The following PLEKHA8 variants were observed in gnomAD, a reference collection of about 807,000 sequenced individuals.
The protein encoded by PLEKHA8 is pleckstrin homology domain containing A8.
PLEKHA8 carries 36 observed loss-of-function variants against 68.2 expected under a neutral mutation model. The ratio of observed to expected loss-of-function variants is 0.53; its 90% confidence interval spans 0.40 to 0.70. PLEKHA8 has a LOEUF of 0.70. Ranked by LOEUF, PLEKHA8 falls within the 30% of genes least tolerant of loss-of-function variation. PLEKHA8 has a pLI of 0.00. For missense variants in PLEKHA8, 505 were observed against 615.4 expected (o/e 0.82, Z 1.90); for synonymous variants, 211 against 216.1 (o/e 0.98, Z 0.20).
Position 30,080,979 on chromosome 7 carries a change from C to A in PLEKHA8, c.*2192C>A. ...AACAGCTGCTGGTGCTCCCTGTCAC[C>A]TCAGGTGAACTCTGTGGTCTCTTGG... On this transcript the variant is annotated 3_prime_UTR_variant, in exon 14 of 14. Coordinates refer to ENST00000449726, the MANE Select transcript of PLEKHA8 (RefSeq NM_001197026.2). 1.0e-6 allele frequency: 1 copy of A among 985,370 alleles called. No homozygotes were observed. Among genetic ancestry groups the A allele is most frequent in the Non-Finnish European group, 1.2e-6 (1 of 829,914 alleles). 61.0% of individuals were successfully genotyped at this position (985,370 alleles called of 1,614,324 possible).
intron 9 of PLEKHA8, among the ~76,000 whole-genome samples, chr7:30,056,329 T>A (rs1163932075): frequency 1.5e-5 from 2 of 134,944 alleles, no homozygotes; most frequent in Admixed American, 1.6e-4. Context: ...TATATATATA[T>A]ATAAATAACA....
chr7:30,064,844 A>C (rs557667875), intron 12 of PLEKHA8, among the ~76,000 whole-genome samples: 37 of 151,878 alleles, frequency 2.4e-4, no homozygotes, highest in African/African-American at 7.0e-4. Flanking sequence ...TGCCCAGTGG[A>C]CTCCGCTTGT....
chr7:30,116,650 ATGT>A (rs1322944179), intron 13 of PLEKHA8, among the ~76,000 whole-genome samples: 1 of 152,200 alleles, frequency 6.6e-6, no homozygotes, highest in African/African-American at 2.4e-5. Flanking sequence ...AAGCAAGATC[ATGT>A]TGTTTCTCTC....
At chr7:30,094,275 C>CCTT (rs1562545904), downstream of PLEKHA8, among the ~76,000 whole-genome samples, 1 of 138,262 alleles carries the variant, frequency 7.2e-6, no homozygotes, top group Non-Finnish European at 1.6e-5. Flanking sequence ...CAAGTTTCTA[C>CCTT]TTTTTTTTTT....
At chr7:30,064,498 A>G (rs1485039519) in intron 12 of PLEKHA8, among the ~76,000 whole-genome samples, 1 of 152,110 alleles carries the variant, frequency 6.6e-6, no homozygotes, top group African/African-American at 2.4e-5. Flanking sequence ...AATTGTGATC[A>G]TGGCACTGTA....
chr7:30,041,681 C>T (rs866288129), intron 1 of PLEKHA8, among the ~76,000 whole-genome samples: 24 of 152,250 alleles, frequency 1.6e-4, no homozygotes, highest in African/African-American at 5.5e-4. Flanking sequence ...AGGAGTGAAC[C>T]ACGGAGCCCA....
intron 13 of PLEKHA8, among the ~76,000 whole-genome samples, chr7:30,111,601 A>G (rs1289984554): frequency 6.7e-6 from 1 of 150,186 alleles, no homozygotes; most frequent in East Asian, 1.9e-4. Flanking sequence ...GTAAAAATGG[A>G]CATTTATTTT....
chr7:30,045,686 G>T (rs576097432), intron 2 of PLEKHA8, among the ~76,000 whole-genome samples: 1 of 151,822 alleles, frequency 6.6e-6, no homozygotes, highest in African/African-American at 2.4e-5. Context: ...GGGAATTTAG[G>T]TAGTGGATGT....
Position 30,079,529 on chromosome 7 carries a change from C to G in PLEKHA8, c.*742C>G, listed in dbSNP as rs55840749. On this transcript the variant is annotated 3_prime_UTR_variant, in exon 14 of 14. Coordinates refer to ENST00000449726, the MANE Select transcript of PLEKHA8 (RefSeq NM_001197026.2). ...CTGCCTACCATTTACCAGCATGTTCCCCATGCATTATCTCAATTGGACATC... is the reference window on the plus strand; with the variant it reads ...CTGCCTACCATTTACCAGCATGTTCGCCATGCATTATCTCAATTGGACATC... The G allele has an allele frequency of 0.017, 16,283 of 958,350 alleles. 169 individuals carry two copies. The highest frequency in any genetic ancestry group is 0.039 in the East Asian group (342 of 8,662). The allele number at this position is 958,350 out of a possible 1,614,324, so 59.4% of individuals were successfully genotyped here.
chr7:30,071,048 C>G (rs79052558), intron 12 of PLEKHA8, among the ~76,000 whole-genome samples: 25,294 of 152,108 alleles, frequency 0.17, 2,140 homozygotes, highest in Middle Eastern at 0.22. Context: ...GGGGAAAAAA[C>G]TAGCAGAATA....
rs888492944 is a variant in PLEKHA8, at chr7:30,083,041, T to C, written c.*4254T>C. ...TGTTTCATTTCTTTTTTTAAGATAA[T>C]CTATCAACCTTTTTTAAATTTTAAA... On this transcript the variant is annotated 3_prime_UTR_variant, in exon 14 of 14. Coordinates refer to ENST00000449726, the MANE Select transcript of PLEKHA8 (RefSeq NM_001197026.2). 24 of 982,144 alleles carry C rather than the reference T, an allele frequency of 2.4e-5. No homozygotes were observed. In the African/African-American group the frequency reaches 3.8e-4, roughly 16 times the overall value. The allele number at this position is 982,144 out of a possible 1,614,324, so 60.8% of individuals were successfully genotyped here.
intron 13 of PLEKHA8, among the ~76,000 whole-genome samples, chr7:30,110,569 A>T (rs1279402293): frequency 6.6e-6 from 1 of 152,196 alleles, no homozygotes; most frequent in Non-Finnish European, 1.5e-5. Context: ...TCATATGGTA[A>T]CTGTGTTTAA....
rs749236975 is a variant in PLEKHA8 at position 30,080,996 on chromosome 7, G to T, written c.*2209G>T. 70 of 985,220 alleles carry T rather than the reference G, an allele frequency of 7.1e-5. No individual in the cohort carries two copies. Among genetic ancestry groups the T allele is most frequent in the Middle Eastern group, 5.2e-4 (1 of 1,936 alleles). The allele number at this position is 985,220 out of a possible 1,614,324, so 61.0% of individuals were successfully genotyped here. On this transcript the variant is annotated 3_prime_UTR_variant, in exon 14 of 14. Coordinates refer to ENST00000449726, the MANE Select transcript of PLEKHA8 (RefSeq NM_001197026.2). ...CCTGTCACCTCAGGTGAACTCTGTGGTCTCTTGGAGAGGTAGCACTCTGAA... is the reference window on the plus strand; with the variant it reads ...CCTGTCACCTCAGGTGAACTCTGTGTTCTCTTGGAGAGGTAGCACTCTGAA...
chr7:30,083,978 A>G lies in PLEKHA8; in HGVS notation c.*5191A>G, dbSNP rs1795071510. 2 of 985,320 alleles carry G rather than the reference A, an allele frequency of 2.0e-6. No individual in the cohort carries two copies. The highest frequency in any genetic ancestry group is 1.2e-4 in the Admixed American group (2 of 16,260). The allele number at this position is 985,320 out of a possible 1,614,324, so 61.0% of individuals were successfully genotyped here. On this transcript the variant is annotated 3_prime_UTR_variant, in exon 14 of 14. Transcript: ENST00000449726. ...TAGAAGTACTTCTGTTGTTTCCTAG[A>G]AGGCTATGAGCCAGTTCCATGGCAT...
intron 13 of PLEKHA8, among the ~76,000 whole-genome samples, chr7:30,104,663 TG>T (rs1342233378): frequency 6.6e-6 from 1 of 151,630 alleles, no homozygotes; most frequent in Non-Finnish European, 1.5e-5. Flanking sequence ...ATCATAACAT[TG>T]GTTGCCTGGG....
At chr7:30,036,148 T>C (rs961812353) in intron 1 of PLEKHA8, among the ~76,000 whole-genome samples, 5 of 151,900 alleles carry the variant, frequency 3.3e-5, no homozygotes, top group African/African-American at 1.2e-4. Context: ...CCCAGCTACT[T>C]GGGAGGCTGA....
At chr7:30,107,308 T>G (rs12111921) in intron 13 of PLEKHA8, among the ~76,000 whole-genome samples, 21,733 of 152,000 alleles carry the variant, frequency 0.14, 1,571 homozygotes, top group Middle Eastern at 0.18. Flanking sequence ...TACTATGTTC[T>G]TCCATAAAGT....
chr7:30,060,842 A>G, intron 9 of PLEKHA8, 42 bp from the exon 10 acceptor site: 1 of 1,550,006 alleles, frequency 6.5e-7, no homozygotes, highest in Non-Finnish European at 8.8e-7. Context: ...ATTGCCACTT[A>G]AAAATTGCTT....
At chr7:30,046,174 TTCTGAG>T in intron 2 of PLEKHA8, 30 bp from the exon 3 acceptor site, 1 of 1,522,270 alleles carries the variant, frequency 6.6e-7, no homozygotes, top group Non-Finnish European at 8.8e-7. Context: ...GACAGGGCTC[TTCTGAG>T]TCTCTGATCT....
Sources: allele counts gnomAD v4.1 joint callset (sites outside exome capture counted in the v4.1 genomes callset), GRCh38; gene constraint gnomAD v4.1.1; transcripts MANE v1.5; gene names NCBI Gene and HGNC (gene_info 2026-07-23, HGNC 2026-07-21).